The following CCDC141 variants were observed in gnomAD, a reference collection of about 807,000 sequenced individuals.
The protein encoded by CCDC141 is coiled-coil domain-containing protein 141.
Under a neutral mutation model 181.0 loss-of-function variants are expected in CCDC141, and 168 were observed. That is an observed-to-expected ratio of 0.93 (90% CI 0.82 to 1.05). The LOEUF (loss-of-function observed/expected upper bound fraction) is 1.05, where lower values mean the gene tolerates loss of function less well. CCDC141 is among the 50% of genes least tolerant of loss of function. The pLI, the probability that CCDC141 is intolerant of heterozygous loss-of-function variation, is 0.00. For synonymous variants in CCDC141, 666 were observed against 642.3 expected (o/e 1.04, Z -0.56); for missense variants, 1,902 against 1,788.5 (o/e 1.06, Z -1.14).
Position 178,833,345 on chromosome 2 carries a change from T to A in CCDC141, c.*828A>T, listed in dbSNP as rs1684339645. The A allele has an allele frequency of 2.0e-5, 3 of 152,222 alleles. No individual in the cohort carries two copies. 9.4% of individuals were successfully genotyped at this position (152,222 alleles called of 1,614,324 possible). On this transcript the variant is annotated 3_prime_UTR_variant, in exon 24 of 24. Coordinates refer to ENST00000443758, the MANE Select transcript of CCDC141 (RefSeq NM_173648.4). Reference sequence around the variant, plus strand: ...CCAAGAGGTAGATGATGAACTCATTTTCCAGACAGGAAACTGAGGCAATGA... The same window carrying A: ...CCAAGAGGTAGATGATGAACTCATTATCCAGACAGGAAACTGAGGCAATGA...
rs1422090905 is a variant in CCDC141 at position 179,033,642 on chromosome 2, G to A, written c.225+13642C>T. ...TTTTCATTTATATTGAACTGTCAGA[G>A]TTTTGTCCTGTCTGTCTAAATCTCA... On this transcript the variant is annotated intron_variant, in intron 2 of 23. Transcript: ENST00000443758. Among the ~76,000 whole-genome samples, 4 of 152,148 alleles carry A rather than the reference G, an allele frequency of 2.6e-5. No individual in the cohort carries two copies. The South Asian group carries it at 8.3e-4, about 31-fold the overall frequency.
intron 20 of CCDC141, among the ~76,000 whole-genome samples, chr2:178,852,377 T>C (rs951126714): frequency 2.0e-5 from 3 of 152,200 alleles, no homozygotes; most frequent in Non-Finnish European, 4.4e-5. Flanking sequence ...TACTACAACG[T>C]AAAAAGTTCA....
chr2:178,878,149 A>C lies in CCDC141; in HGVS notation c.1720-6T>G, dbSNP rs1339376465. On this transcript the variant is annotated splice_polypyrimidine_tract_variant and splice_region_variant and intron_variant, in intron 11 of 23. Coordinates refer to ENST00000443758, the MANE Select transcript of CCDC141 (RefSeq NM_173648.4). ...CTCTGAAACTGCATCTCTACCTAAAAAAGAAAAAAGAGAGTTAAGAACACT... is the reference window on the plus strand; with the variant it reads ...CTCTGAAACTGCATCTCTACCTAAACAAGAAAAAAGAGAGTTAAGAACACT... 3 of 1,581,064 alleles carry C rather than the reference A, an allele frequency of 1.9e-6. No homozygotes were observed. The highest frequency in any genetic ancestry group is 2.6e-6 in the Non-Finnish European group (3 of 1,169,906).
intron 5 of CCDC141, among the ~76,000 whole-genome samples, chr2:178,955,902 A>C (rs576789515): frequency 6.6e-6 from 1 of 152,252 alleles, no homozygotes; most frequent in Non-Finnish European, 1.5e-5. Flanking sequence ...TGTGAACTCA[A>C]ATAATAAAAC....
At chr2:178,943,861 T>A (rs1237715795) in intron 6 of CCDC141, among the ~76,000 whole-genome samples, 2 of 152,194 alleles carry the variant, frequency 1.3e-5, no homozygotes, top group Non-Finnish European at 2.9e-5. Context: ...CAGCACTTCA[T>A]GCTTGCATTT....
intron 8 of CCDC141, among the ~76,000 whole-genome samples, chr2:178,889,939 T>C (rs142373864): frequency 0.011 from 1,740 of 152,330 alleles, 18 homozygotes; most frequent in Non-Finnish European, 0.018. Context: ...AATTCCATAA[T>C]TCTACAAAAG....
intron 2 of CCDC141, among the ~76,000 whole-genome samples, chr2:178,999,346 C>T (rs957854882): frequency 6.6e-6 from 1 of 152,074 alleles, no homozygotes; most frequent in African/African-American, 2.4e-5. Context: ...ATCATTTGAA[C>T]CCTTTCCTTT....
At chr2:178,838,405 T>G (rs770075022) in intron 22 of CCDC141, among the ~76,000 whole-genome samples, 2 of 152,142 alleles carry the variant, frequency 1.3e-5, no homozygotes, top group Non-Finnish European at 2.9e-5. Flanking sequence ...CCCCTAATCT[T>G]TTGTCTTCCC....
intron 2 of CCDC141, among the ~76,000 whole-genome samples, chr2:179,020,416 A>G (rs2042663927): frequency 6.6e-6 from 1 of 152,122 alleles, no homozygotes; most frequent in Non-Finnish European, 1.5e-5. Context: ...AGGCTTACCT[A>G]GAAATATACA....
intron 5 of CCDC141, among the ~76,000 whole-genome samples, chr2:178,946,383 C>T (rs1267678329): frequency 6.6e-6 from 1 of 151,734 alleles, no homozygotes; most frequent in Non-Finnish European, 1.5e-5. Context: ...TTCAGTGAGC[C>T]CCCATAAAAA....
At chr2:178,992,453 T>C (rs1231443914) in intron 2 of CCDC141, among the ~76,000 whole-genome samples, 5 of 151,464 alleles carry the variant, frequency 3.3e-5, no homozygotes, top group Admixed American at 1.3e-4. Context: ...TCTTGAACAG[T>C]CCTTTCCTTC....
chr2:178,825,607 T>C (rs971346565), downstream of CCDC141: 3 of 143,034 alleles, frequency 2.1e-5, no homozygotes, highest in Non-Finnish European at 4.6e-5. Context: ...CTCTCCCAAA[T>C]CTGCCCCCCA....
chr2:178,913,648 T>A (rs943196033), intron 7 of CCDC141, among the ~76,000 whole-genome samples: 5 of 152,228 alleles, frequency 3.3e-5, no homozygotes, highest in African/African-American at 1.2e-4. Context: ...AACATCATCT[T>A]CTTAAAGGAC....
chr2:178,854,427 G>A (rs1685296777), intron 19 of CCDC141, among the ~76,000 whole-genome samples: 1 of 152,192 alleles, frequency 6.6e-6, no homozygotes, highest in African/African-American at 2.4e-5. Flanking sequence ...GGGAGGCTGA[G>A]GCAGGAGAAT....
At position 178,961,402 on chromosome 2, in the gene CCDC141, G is replaced by T. The variant is rs938880657; in HGVS notation, c.608C>A (p.Pro203His). The part of the protein sequence containing the change: ...DFIEKFKCEG[P>H]NVNPELTQGA... ...CTGAGTCAACTCAGGATTCACATTA[G>T]GTCCTTCACACTTGAATTTTTCTAT... Residue 203 changes from proline (P) to histidine (H), a missense_variant, in exon 5 of 24, where the codon CCT becomes CAT. Physicochemically the swap from Pro to His is moderately conservative, Grantham distance 77. Transcript: ENST00000443758. 3.2e-6 allele frequency: 5 copies of T among 1,550,314 alleles called. No individual in the cohort carries two copies. The highest frequency in any genetic ancestry group is 3.5e-6 in the Non-Finnish European group (4 of 1,146,946).
At chr2:178,887,321 A>G (rs1686932553) in intron 9 of CCDC141, among the ~76,000 whole-genome samples, 1 of 152,202 alleles carries the variant, frequency 6.6e-6, no homozygotes, top group Admixed American at 6.5e-5. Flanking sequence ...GGGGAGCACC[A>G]AACCCTGGAC....
rs753136104 is a variant in CCDC141 at position 179,017,207 on chromosome 2, C to G, written c.225+30077G>C. 3.6e-4 allele frequency among the ~76,000 whole-genome samples: 55 copies of G among 151,906 alleles called. 1 individual carries two copies. Among genetic ancestry groups the G allele is most frequent in the Non-Finnish European group, 6.2e-4 (42 of 67,980 alleles). On this transcript the variant is annotated intron_variant, in intron 2 of 23. Transcript: ENST00000443758. ...TTTATCCAATGTTCTCCACATCTTT[C>G]TTTCTTTCTGAATAATAGTTGACTT...
intron 3 of CCDC141, among the ~76,000 whole-genome samples, chr2:178,976,986 G>A (rs1014869274): frequency 2.6e-5 from 4 of 152,054 alleles, no homozygotes. Context: ...ACTTTTATCA[G>A]TATTTTCCTT....
chr2:178,966,156 G>C (rs1559013148), intron 4 of CCDC141, among the ~76,000 whole-genome samples: 1 of 152,236 alleles, frequency 6.6e-6, no homozygotes, highest in Non-Finnish European at 1.5e-5. Context: ...CCCTGGGATA[G>C]AGCACCTGGG....
Sources: gnomAD v4.1 joint callset for allele counts (sites outside exome capture counted in the v4.1 genomes callset) on GRCh38, gnomAD v4.1.1 for gene constraint, MANE v1.5 for transcripts, NCBI Gene and HGNC (gene_info 2026-07-23, HGNC 2026-07-21) for gene names.